Variants in DENND2C observed in about 807,000 individuals in gnomAD.
DENND2C encodes the protein DENN domain-containing protein 2C.
A neutral mutation model predicts 112.4 loss-of-function variants in DENND2C; 72 were observed. The observed-to-expected ratio is 0.64, with a 90% CI of 0.53 to 0.78. The LOEUF is 0.78. Among genes scored for constraint, DENND2C ranks in the 30% least tolerant of loss-of-function variants. DENND2C has a pLI of 0.00. For synonymous variants in DENND2C, 329 were observed against 381.6 expected (o/e 0.86, Z 1.61); for missense variants, 992 against 1,113.8 (o/e 0.89, Z 1.56).
intron 17 of DENND2C, chr1:114,595,288 G>C (rs1307709039): frequency 6.5e-6 from 1 of 152,790 alleles, no homozygotes; most frequent in African/African-American, 2.4e-5. Context: ...AGACCATCCT[G>C]GCTAACACGG....
At chr1:114,635,295 A>G (rs1054642826) in intron 3 of DENND2C, among the ~76,000 whole-genome samples, 2 of 152,190 alleles carry the variant, frequency 1.3e-5, no homozygotes, top group African/African-American at 4.8e-5. Context: ...TTAAGAAGAA[A>G]AAAAGCATAA....
At position 114,622,084 on chromosome 1, in the gene DENND2C, T is replaced by C. The variant is rs746096911; in HGVS notation, c.1057-19A>G. On this transcript the variant is annotated intron_variant, in intron 6 of 20. Coordinates refer to ENST00000393274, the MANE Select transcript of DENND2C (RefSeq NM_001256404.2). ...GAGGGAGCTAAAACAGGAGAAGATG[T>C]ACTGGTAAGATCACCTAGTTTTGCT... 1.3e-5 allele frequency: 19 copies of C among 1,513,496 alleles called. No homozygotes were observed. The South Asian group carries it at 2.3e-4, about 19-fold the overall frequency. 93.8% of individuals were successfully genotyped at this position (1,513,496 alleles called of 1,614,324 possible). A position where few individuals can be genotyped will look rare whatever the true frequency, so the allele number is the denominator to read the frequency against.
Position 114,626,032 on chromosome 1 carries a change from T to C in DENND2C, c.-48A>G, listed in dbSNP as rs775120158. 87 of 1,491,546 alleles carry C rather than the reference T, an allele frequency of 5.8e-5. No individual in the cohort carries two copies. The highest frequency in any genetic ancestry group is 7.6e-5 in the Non-Finnish European group (83 of 1,097,812). The allele number at this position is 1,491,546 out of a possible 1,614,324, so 92.4% of individuals were successfully genotyped here. A position where few individuals can be genotyped will look rare whatever the true frequency, so the allele number is the denominator to read the frequency against. On this transcript the variant is annotated 5_prime_UTR_variant, in exon 4 of 21. An upstream start codon of the reference 5' UTR is lost. Transcript: ENST00000393274. The stretch of plus-strand genomic sequence containing the variant: ...AGTGATGAATCTTACAAAGGTTCCA[T>C]TACAAGTAAATGTGAAATATTGTAT...
In DENND2C at chr1:114,591,293, G is replaced by A. The variant is rs188511363; in HGVS notation, c.2431+3180C>T. ...AGATTTTTTAGTTTTTGTGAATATG[G>A]TGGGTATAAAAAATGGTATTGCATT... is the stretch of plus-strand genomic sequence containing the variant. On this transcript the variant is annotated intron_variant, in intron 18 of 20. Transcript: ENST00000393274. 8.8e-3 allele frequency among the ~76,000 whole-genome samples: 1,338 copies of A among 152,228 alleles called. 9 individuals carry two copies. Among genetic ancestry groups the A allele is most frequent in the Admixed American group, 0.015 (237 of 15,294 alleles).
chr1:114,586,843 CCT>C (rs1193374747), intron 20 of DENND2C: 2 of 152,090 alleles, frequency 1.3e-5, no homozygotes, highest in African/African-American at 4.8e-5. Flanking sequence ...CCCCCTCGGG[CCT>C]CTCAGCCTCC....
chr1:114,625,187 T>A lies in DENND2C; in HGVS notation c.798A>T (p.Arg266Ser). 1 of 1,605,766 alleles carries A rather than the reference T, an allele frequency of 6.2e-7. No individual in the cohort carries two copies. Among genetic ancestry groups the A allele is most frequent in the Non-Finnish European group, 8.5e-7 (1 of 1,177,438 alleles). The change falls in exon 4 of 21, where the codon AGA becomes AGT. Residue 266 changes from arginine to serine, a missense_variant. This residue lies in a region of DENND2C where 470 missense variants were observed against 472.7 expected (regional missense o/e 0.99). Transcript: ENST00000393274. ...PKKYGGKIRG[R>S]SKRKSFEFED... ...GTAGGATAAAAACATACCTTTTAGA[T>A]CTTCCTCTGATTTTTCCACCATATT...
At chr1:114,598,200 A>G (rs980631813) in intron 16 of DENND2C, among the ~76,000 whole-genome samples, 1 of 152,182 alleles carries the variant, frequency 6.6e-6, no homozygotes, top group Non-Finnish European at 1.5e-5. Flanking sequence ...ATTCATAACA[A>G]CCTCAAACTG....
intron 1 of DENND2C, among the ~76,000 whole-genome samples, chr1:114,668,822 G>A (rs867290262): frequency 7.9e-5 from 12 of 152,092 alleles, no homozygotes; most frequent in South Asian, 4.1e-4. Flanking sequence ...TAAGCAGCCC[G>A]TCAATTCACA....
intron 1 of DENND2C, among the ~76,000 whole-genome samples, chr1:114,668,746 A>C (rs1252282048): frequency 1.3e-5 from 2 of 152,202 alleles, no homozygotes; most frequent in African/African-American, 4.8e-5. Context: ...AAACGTCTAT[A>C]ATAAAGGCTG....
intron 16 of DENND2C, among the ~76,000 whole-genome samples, chr1:114,599,039 A>G (rs934156044): frequency 1.3e-5 from 2 of 152,182 alleles, no homozygotes; most frequent in African/African-American, 2.4e-5. Context: ...TAACACAAGA[A>G]TGAGCCCAAG....
chr1:114,605,116 A>G (rs1435895045), intron 10 of DENND2C, 85 bp from the exon 11 acceptor site: 2 of 978,962 alleles, frequency 2.0e-6, no homozygotes, highest in Non-Finnish European at 1.5e-6. Context: ...GTCTCAGGAA[A>G]AAAGGTCTCT....
intron 2 of DENND2C, among the ~76,000 whole-genome samples, chr1:114,651,276 T>TAC (rs57202953): frequency 0.47 from 64,965 of 139,064 alleles, 14,969 homozygotes; most frequent in South Asian, 0.57. Context: ...TCCCTACACA[T>TAC]ACACACACAC....
chr1:114,600,188 T>A lies in DENND2C; in HGVS notation c.2105+16A>T. ...AAAACACCAGTGTGAAGTAACATAT[T>A]TCACTTATTTCTTACCTTAGGCTGT... is the stretch of plus-strand genomic sequence containing the variant. On this transcript the variant is annotated intron_variant, in intron 15 of 20. Coordinates refer to ENST00000393274, the MANE Select transcript of DENND2C (RefSeq NM_001256404.2). 4.4e-6 allele frequency: 7 copies of A among 1,606,824 alleles called. No individual in the cohort carries two copies. The highest frequency in any genetic ancestry group is 5.9e-6 in the Non-Finnish European group (7 of 1,177,278).
At chr1:114,633,871 A>C (rs1179921489) in intron 3 of DENND2C, among the ~76,000 whole-genome samples, 1 of 152,174 alleles carries the variant, frequency 6.6e-6, no homozygotes. Context: ...AAAAAGCAAG[A>C]CCTAACTCTA....
Position 114,585,489 on chromosome 1 carries a change from C to A in DENND2C, c.*111G>T. On this transcript the variant is annotated 3_prime_UTR_variant, in exon 21 of 21. Coordinates refer to ENST00000393274, the MANE Select transcript of DENND2C (RefSeq NM_001256404.2). ...CTAACAGCCTGACTCGCTCTTTAAC[C>A]TTTTAAAATTTCAAGAATTTTGTAG... 8.2e-7 allele frequency: 1 copy of A among 1,212,592 alleles called. No individual in the cohort carries two copies. The highest frequency in any genetic ancestry group is 1.3e-5 in the South Asian group (1 of 75,180). 75.1% of individuals were successfully genotyped at this position (1,212,592 alleles called of 1,614,324 possible). A position where few individuals can be genotyped will look rare whatever the true frequency, so the allele number is the denominator to read the frequency against.
intron 18 of DENND2C, among the ~76,000 whole-genome samples, chr1:114,592,189 T>G (rs1557937990): frequency 6.6e-6 from 1 of 152,050 alleles, no homozygotes; most frequent in Non-Finnish European, 1.5e-5. Context: ...CCGGCCCTAG[T>G]ATCATTTATT....
intron 8 of DENND2C, among the ~76,000 whole-genome samples, chr1:114,611,818 A>C (rs960514366): frequency 8.4e-6 from 1 of 118,352 alleles, no homozygotes; most frequent in Non-Finnish European, 1.9e-5. Context: ...CACACACACA[A>C]AGCAGCTTTT....
At chr1:114,639,486 G>A (rs1035619328) in intron 3 of DENND2C, among the ~76,000 whole-genome samples, 1 of 151,708 alleles carries the variant, frequency 6.6e-6, no homozygotes, top group African/African-American at 2.4e-5. Flanking sequence ...GGAGGCTGAG[G>A]CAGGAGAATT....
In DENND2C at chr1:114,585,344, G is replaced by C; in HGVS notation, c.*256C>G. ...AGCACAAAACAGAGAATGAGCCCAA[G>C]AATCACATAGAAAAGGCTGCTATAA... is the stretch of plus-strand genomic sequence containing the variant. On this transcript the variant is annotated 3_prime_UTR_variant, in exon 21 of 21. Coordinates refer to ENST00000393274, the MANE Select transcript of DENND2C (RefSeq NM_001256404.2). 1 of 431,672 alleles carries C rather than the reference G, an allele frequency of 2.3e-6. No individual in the cohort carries two copies. The highest frequency in any genetic ancestry group is 4.2e-6 in the Non-Finnish European group (1 of 238,442). 26.7% of individuals were successfully genotyped at this position (431,672 alleles called of 1,614,324 possible).
Sources: gnomAD v4.1 joint callset for allele counts (sites outside exome capture counted in the v4.1 genomes callset) on GRCh38, gnomAD v4.1.1 for gene constraint, gnomAD v4.1.1 regional missense constraint, MANE v1.5 for transcripts, NCBI Gene and HGNC (gene_info 2026-07-23, HGNC 2026-07-21) for gene names.